Variants in UNC5C observed in about 807,000 individuals in gnomAD.
UNC5C encodes unc-5 netrin receptor C.
Under a neutral mutation model 99.8 loss-of-function variants are expected in UNC5C, and 47 were observed. The ratio of observed to expected loss-of-function variants is 0.47; its 90% CI spans 0.37 to 0.60. The LOEUF (loss-of-function observed/expected upper bound fraction) is 0.60, where lower values mean the gene tolerates loss of function less well. Ranked by LOEUF, UNC5C falls within the 20% of genes least tolerant of loss-of-function variation. The pLI is 0.00. For synonymous variants in UNC5C, 487 were observed against 452.2 expected (o/e 1.08, Z -0.98); for missense variants, 1,062 against 1,165.9 (o/e 0.91, Z 1.30).
intron 1 of UNC5C, among the ~76,000 whole-genome samples, chr4:95,375,280 T>G (rs1037421181): frequency 2.0e-5 from 3 of 152,108 alleles, no homozygotes; most frequent in Admixed American, 6.5e-5. Context: ...AGAAAGCATT[T>G]TAAAACTTAG....
chr4:95,250,091 T>A (rs1370133294), intron 5 of UNC5C, among the ~76,000 whole-genome samples: 1 of 152,120 alleles, frequency 6.6e-6, no homozygotes, highest in African/African-American at 2.4e-5. Context: ...TAGGCTTCCT[T>A]CGCTTTCCTA....
chr4:95,286,571 C>G (rs1046263068), intron 3 of UNC5C, among the ~76,000 whole-genome samples: 6 of 152,334 alleles, frequency 3.9e-5, no homozygotes, highest in African/African-American at 1.4e-4. Context: ...TTTGTACCAG[C>G]TGATGGCTGA....
Position 95,335,610 on chromosome 4 carries a change from A to G in UNC5C, c.146T>C (p.Leu49Pro). The G allele has an allele frequency of 6.2e-7, 1 of 1,607,412 alleles. No homozygotes were observed. Among genetic ancestry groups the G allele is most frequent in the Non-Finnish European group, 8.5e-7 (1 of 1,177,310 alleles). The change falls in exon 2 of 16, where the codon CTC (leucine) becomes CCC (proline). Residue 49 changes from leucine to proline, a missense_variant. This residue lies in a region of UNC5C where 249 missense variants were observed against 295.1 expected (regional missense o/e 0.84). Transcript: ENST00000453304. ...AAQDDDFFHELPETFPSDPPE... is the reference protein window; with the variant it reads ...AAQDDDFFHEPPETFPSDPPE... ...TGGATCAGAAGGAAAAGTTTCTGGG[A>G]GTTCATGAAAAAAGTCATCATCTGA...
chr4:95,390,469 T>C (rs373627142), intron 1 of UNC5C, among the ~76,000 whole-genome samples: 20 of 150,608 alleles, frequency 1.3e-4, no homozygotes, highest in African/African-American at 4.6e-4. Flanking sequence ...CAACAGTAAA[T>C]ATACAAAAAT....
At chr4:95,535,574 T>G (rs978778996) in intron 1 of UNC5C, among the ~76,000 whole-genome samples, 2 of 152,190 alleles carry the variant, frequency 1.3e-5, no homozygotes, top group South Asian at 4.1e-4. Context: ...ATTATTGGAA[T>G]CTTCGCCTTG....
intron 4 of UNC5C, 123 bp downstream of exon 4, chr4:95,278,136 G>A: frequency 2.6e-6 from 2 of 772,900 alleles, no homozygotes; most frequent in Non-Finnish European, 4.3e-6. Flanking sequence ...CAGGCAGTTA[G>A]GACTCTATTA....
intron 1 of UNC5C, 108 bp from the exon 2 acceptor site, chr4:95,335,739 T>A: frequency 1.2e-6 from 1 of 832,570 alleles, no homozygotes; most frequent in Non-Finnish European, 1.9e-6. Context: ...ATTAAGTGAT[T>A]TGAATGCCTG....
intron 1 of UNC5C, among the ~76,000 whole-genome samples, chr4:95,430,667 A>G (rs1746611239): frequency 6.6e-6 from 1 of 152,164 alleles, no homozygotes; most frequent in African/African-American, 2.4e-5. Context: ...CAAATAAAAT[A>G]TATTCACAAA....
chr4:95,373,323 T>C lies in UNC5C; in HGVS notation c.125-37692A>G, dbSNP rs139089588. 3.0e-4 allele frequency among the ~76,000 whole-genome samples: 45 copies of C among 152,222 alleles called. No homozygotes were observed. The East Asian group carries it at 7.9e-3, about 27-fold the overall frequency. Reference sequence around the variant, plus strand: ...CTCTTCTTATTCTATTTCCTAACATTTTCTCCCTCCCATAATCTGTGCCAG... The same window carrying C: ...CTCTTCTTATTCTATTTCCTAACATCTTCTCCCTCCCATAATCTGTGCCAG... On this transcript the variant is annotated intron_variant, in intron 1 of 15. Coordinates refer to ENST00000453304, the MANE Select transcript of UNC5C (RefSeq NM_003728.4).
chr4:95,191,046 G>A (rs764963265), intron 12 of UNC5C, among the ~76,000 whole-genome samples: 3 of 152,168 alleles, frequency 2.0e-5, no homozygotes, highest in Non-Finnish European at 4.4e-5. Context: ...GTGCACAAAG[G>A]AGGCACCTCT....
intron 1 of UNC5C, among the ~76,000 whole-genome samples, chr4:95,412,484 GT>G (rs1746022884): frequency 6.6e-6 from 1 of 152,102 alleles, no homozygotes; most frequent in African/African-American, 2.4e-5. Flanking sequence ...TCTTGAGGTT[GT>G]TTTTCAAGTA....
chr4:95,230,978 T>C (rs559156076), intron 7 of UNC5C, among the ~76,000 whole-genome samples: 1 of 152,296 alleles, frequency 6.6e-6, no homozygotes, highest in Non-Finnish European at 1.5e-5. Context: ...TTTTCTTAAC[T>C]TGGTCATGTC....
chr4:95,424,491 A>T (rs970938878), intron 1 of UNC5C, among the ~76,000 whole-genome samples: 4 of 118,632 alleles, frequency 3.4e-5, no homozygotes, highest in African/African-American at 1.2e-4. Context: ...TCTATGTAAC[A>T]GGGCTTCAGA....
At chr4:95,206,902 C>CAT in intron 10 of UNC5C, 106 bp from the exon 11 acceptor site, 4 of 510,498 alleles carry the variant, frequency 7.8e-6, no homozygotes, top group Non-Finnish European at 8.9e-6. Context: ...TCCTGGAATT[C>CAT]TTTTTTTTTT....
intron 9 of UNC5C, among the ~76,000 whole-genome samples, chr4:95,216,504 C>G (rs1343381658): frequency 2.0e-5 from 3 of 151,976 alleles, no homozygotes; most frequent in Middle Eastern, 3.4e-3. Flanking sequence ...AAACCAACAA[C>G]TGCTCAAAAT....
intron 1 of UNC5C, among the ~76,000 whole-genome samples, chr4:95,341,976 A>G (rs934059520): frequency 1.3e-5 from 2 of 152,136 alleles, no homozygotes; most frequent in African/African-American, 4.8e-5. Flanking sequence ...TGCCCTAGCC[A>G]GAGGGGACTC....
At chr4:95,453,421 A>G (rs762135691) in intron 1 of UNC5C, among the ~76,000 whole-genome samples, 38 of 152,104 alleles carry the variant, frequency 2.5e-4, no homozygotes, top group Non-Finnish European at 5.1e-4. Context: ...CCAATTCCAT[A>G]GTCTTCAAAC....
At chr4:95,187,462 C>T (rs112798231) in intron 12 of UNC5C, among the ~76,000 whole-genome samples, 258 of 152,236 alleles carry the variant, frequency 1.7e-3, no homozygotes, top group African/African-American at 5.7e-3. Flanking sequence ...TTCCTACAAT[C>T]AACATAGACT....
chr4:95,525,042 T>C (rs1345822124), intron 1 of UNC5C, among the ~76,000 whole-genome samples: 1 of 152,146 alleles, frequency 6.6e-6, no homozygotes, highest in Non-Finnish European at 1.5e-5. Context: ...CTGGTTGAAT[T>C]AGAGAAAGCC....
Sources: gnomAD v4.1 joint callset for allele counts (sites outside exome capture counted in the v4.1 genomes callset) on GRCh38, gnomAD v4.1.1 for gene constraint, gnomAD v4.1.1 regional missense constraint, MANE v1.5 for transcripts, NCBI Gene and HGNC (gene_info 2026-07-23, HGNC 2026-07-21) for gene names.